The following CNTNAP2 variants were observed in gnomAD, a reference collection of about 807,000 sequenced individuals.
The protein encoded by CNTNAP2 is contactin-associated protein-like 2.
A neutral mutation model predicts 155.2 loss-of-function variants in CNTNAP2; 98 were observed. The observed-to-expected ratio is 0.63, with a 90% confidence interval of 0.54 to 0.75. CNTNAP2 has a LOEUF of 0.75. Among genes scored for constraint, CNTNAP2 ranks in the 30% least tolerant of loss-of-function variants. The pLI is 0.00. For missense variants in CNTNAP2, 1,727 were observed against 1,688.1 expected (o/e 1.02, Z -0.40); for synonymous variants, 651 against 631.2 (o/e 1.03, Z -0.47).
intron 15 of CNTNAP2, among the ~76,000 whole-genome samples, chr7:148,022,532 C>A (rs1055221498): frequency 6.6e-6 from 1 of 151,702 alleles, no homozygotes; most frequent in African/African-American, 2.4e-5. Flanking sequence ...GTGGCTTCTG[C>A]CTCTGGAATA....
intron 13 of CNTNAP2, among the ~76,000 whole-genome samples, chr7:147,891,608 A>T (rs944653424): frequency 6.6e-6 from 1 of 152,212 alleles, no homozygotes; most frequent in African/African-American, 2.4e-5. Context: ...AAAGGGATAT[A>T]AACACAACTA....
chr7:147,508,689 G>A (rs542558572), intron 11 of CNTNAP2, among the ~76,000 whole-genome samples: 1 of 152,264 alleles, frequency 6.6e-6, no homozygotes, highest in Non-Finnish European at 1.5e-5. Flanking sequence ...TTAAATCATA[G>A]GGGCAGATTT....
intron 21 of CNTNAP2, among the ~76,000 whole-genome samples, chr7:148,337,460 C>T (rs915047737): frequency 1.3e-5 from 2 of 152,206 alleles, no homozygotes; most frequent in Non-Finnish European, 2.9e-5. Flanking sequence ...CTGGATCTAG[C>T]GAGAATCAGG....
chr7:146,637,487 G>A (rs1799618686), intron 1 of CNTNAP2, among the ~76,000 whole-genome samples: 1 of 152,088 alleles, frequency 6.6e-6, no homozygotes, highest in Admixed American at 6.5e-5. Context: ...AAGCTCTGAA[G>A]CCACCACCTA....
intron 13 of CNTNAP2, among the ~76,000 whole-genome samples, chr7:147,821,343 A>G (rs1341643927): frequency 6.6e-6 from 1 of 152,156 alleles, no homozygotes; most frequent in Non-Finnish European, 1.5e-5. Context: ...TGAAATTTTT[A>G]ATATCTGTTT....
chr7:148,125,502 C>T (rs1804698775), intron 16 of CNTNAP2, among the ~76,000 whole-genome samples: 1 of 151,914 alleles, frequency 6.6e-6, no homozygotes, highest in African/African-American at 2.4e-5. Flanking sequence ...TTTTCTGTTC[C>T]TGTGTTAGTT....
chr7:147,426,481 T>C (rs1797380069), intron 10 of CNTNAP2, among the ~76,000 whole-genome samples: 1 of 152,176 alleles, frequency 6.6e-6, no homozygotes, highest in Non-Finnish European at 1.5e-5. Context: ...TCAAAATGTT[T>C]AATAATTCCT....
chr7:148,185,105 G>A (rs1361880027), intron 18 of CNTNAP2, among the ~76,000 whole-genome samples: 2 of 152,088 alleles, frequency 1.3e-5, no homozygotes, highest in Non-Finnish European at 2.9e-5. Flanking sequence ...CTCAATTGTT[G>A]ACATTAGTGC....
intron 11 of CNTNAP2, among the ~76,000 whole-genome samples, chr7:147,538,860 A>G (rs959598890): frequency 2.6e-5 from 4 of 152,176 alleles, no homozygotes; most frequent in Admixed American, 6.5e-5. Flanking sequence ...GAAAAGCATT[A>G]GGACCCCTAG....
intron 13 of CNTNAP2, among the ~76,000 whole-genome samples, chr7:147,828,941 T>C (rs964139602): frequency 9.8e-5 from 15 of 152,334 alleles, no homozygotes; most frequent in African/African-American, 3.6e-4. Flanking sequence ...GAAGAGTCTG[T>C]ACTGCACATA....
At chr7:146,484,943 C>T (rs1261594305) in intron 1 of CNTNAP2, among the ~76,000 whole-genome samples, 1 of 151,968 alleles carries the variant, frequency 6.6e-6, no homozygotes, top group Non-Finnish European at 1.5e-5. Context: ...AGAAATTGAT[C>T]GTGCTGATAA....
intron 11 of CNTNAP2, among the ~76,000 whole-genome samples, chr7:147,510,132 T>C (rs1386953565): frequency 6.6e-6 from 1 of 152,168 alleles, no homozygotes; most frequent in East Asian, 1.9e-4. Context: ...CCAGTGTGAC[T>C]AGGGAATCTG....
At chr7:146,806,036 G>A (rs904998082) in intron 2 of CNTNAP2, among the ~76,000 whole-genome samples, 1 of 152,082 alleles carries the variant, frequency 6.6e-6, no homozygotes, top group Non-Finnish European at 1.5e-5. Flanking sequence ...TGTAAATTAG[G>A]TGATTTCTCA....
chr7:147,712,851 A>T lies in CNTNAP2; in HGVS notation c.2098+73545A>T, dbSNP rs559818059. 3.9e-5 allele frequency among the ~76,000 whole-genome samples: 6 copies of T among 152,264 alleles called. No homozygotes were observed. In the South Asian group the frequency reaches 1.2e-3, roughly 32 times the overall value. On this transcript the variant is annotated intron_variant, in intron 13 of 23. Transcript: ENST00000361727. The stretch of plus-strand genomic sequence containing the variant: ...TGGCACATGTATACATATGTAACCA[A>T]CCTGCACGTTGTGCACATGTACCCT...
rs117414187 is a variant in CNTNAP2 at position 146,335,880 on chromosome 7, A to T, written c.97+218907A>T. ...CTATTCCTTAAAACAAGGAACACAA[A>T]ATTAAAAATATAAAACATGATATAA... On this transcript the variant is annotated intron_variant, in intron 1 of 23. Coordinates refer to ENST00000361727, the MANE Select transcript of CNTNAP2 (RefSeq NM_014141.6). 1.3e-3 allele frequency among the ~76,000 whole-genome samples: 198 copies of T among 152,174 alleles called. 3 individuals carry two copies. The East Asian group carries it at 0.019, about 14-fold the overall frequency.
chr7:146,551,636 T>TA (rs1798123905), intron 1 of CNTNAP2, among the ~76,000 whole-genome samples: 1 of 151,992 alleles, frequency 6.6e-6, no homozygotes, highest in Non-Finnish European at 1.5e-5. Flanking sequence ...CAAAAGACAC[T>TA]AAAAAAATGA....
chr7:147,033,545 A>G (rs1021764070), intron 3 of CNTNAP2, among the ~76,000 whole-genome samples: 1 of 152,044 alleles, frequency 6.6e-6, no homozygotes, highest in South Asian at 2.1e-4. Flanking sequence ...TTTAACTACC[A>G]ATGGTAATAG....
chr7:146,630,664 T>C (rs527380078), intron 1 of CNTNAP2, among the ~76,000 whole-genome samples: 7 of 152,078 alleles, frequency 4.6e-5, no homozygotes, highest in Non-Finnish European at 8.8e-5. Flanking sequence ...TTTTTAATAA[T>C]TGCCATTCTG....
intron 18 of CNTNAP2, among the ~76,000 whole-genome samples, chr7:148,192,037 A>G (rs1031758052): frequency 6.6e-6 from 1 of 152,222 alleles, no homozygotes; most frequent in Admixed American, 6.5e-5. Context: ...GCCAAAAATA[A>G]GATGGCTTCT....
Sources: allele counts gnomAD v4.1 joint callset (sites outside exome capture counted in the v4.1 genomes callset), GRCh38; gene constraint gnomAD v4.1.1; transcripts MANE v1.5; gene names NCBI Gene and HGNC (gene_info 2026-07-23, HGNC 2026-07-21).